CD226: variants seen among roughly 807,000 people sequenced by gnomAD.
CD226 encodes CD226 molecule, also known as CD226 antigen.
Under a neutral mutation model 34.9 loss-of-function variants are expected in CD226, and 24 were observed. That is an observed-to-expected ratio of 0.69 (90% CI 0.50 to 0.97). The LOEUF (loss-of-function observed/expected upper bound fraction) is 0.97, where lower values mean the gene tolerates loss of function less well. Among genes scored for constraint, CD226 ranks in the 50% least tolerant of loss-of-function variants. CD226 has a pLI of 0.00. For synonymous variants in CD226, 148 were observed against 147.4 expected (o/e 1.00, Z -0.03); for missense variants, 397 against 412.7 (o/e 0.96, Z 0.33).
chr18:69,956,846 A>G (rs956439014), exon 1 of CD226: 1 of 152,206 alleles, frequency 6.6e-6, no homozygotes, highest in African/African-American at 2.4e-5. Flanking sequence ...GTGGCCTCCT[A>G]GCCTCAACAC....
At chr18:69,869,221 C>G (rs564892213) in intron 4 of CD226, among the ~76,000 whole-genome samples, 3 of 152,142 alleles carry the variant, frequency 2.0e-5, no homozygotes, top group Non-Finnish European at 4.4e-5. Flanking sequence ...CATTGCAGCA[C>G]TATTCATGAT....
intron 2 of CD226, among the ~76,000 whole-genome samples, chr18:69,936,639 T>TAC: frequency 6.6e-6 from 1 of 152,202 alleles, no homozygotes; most frequent in Non-Finnish European, 1.5e-5. Context: ...TGTGCATGCA[T>TAC]ACACACACAC....
At chr18:69,920,994 A>C (rs1182558001) in intron 2 of CD226, among the ~76,000 whole-genome samples, 1 of 152,282 alleles carries the variant, frequency 6.6e-6, no homozygotes, top group African/African-American at 2.4e-5. Context: ...TCTTTTTCCC[A>C]TCTGCAGGTC....
At chr18:69,961,278 T>C (rs1205843091), upstream of CD226, among the ~76,000 whole-genome samples, 1 of 152,196 alleles carries the variant, frequency 6.6e-6, no homozygotes, top group African/African-American at 2.4e-5. Flanking sequence ...CTTGAATAAA[T>C]GGAGGTATGT....
chr18:69,949,833 C>A (rs901250087), upstream of CD226, among the ~76,000 whole-genome samples: 1 of 151,584 alleles, frequency 6.6e-6, no homozygotes, highest in Non-Finnish European at 1.5e-5. Flanking sequence ...CACATCCACG[C>A]ACACTCACAC....
intron 2 of CD226, among the ~76,000 whole-genome samples, chr18:69,937,523 T>G (rs1051571528): frequency 6.6e-6 from 1 of 152,174 alleles, no homozygotes; most frequent in African/African-American, 2.4e-5. Flanking sequence ...AATAATAATT[T>G]GTGATATAAA....
chr18:69,903,472 AG>A (rs2055212493), intron 2 of CD226, among the ~76,000 whole-genome samples: 1 of 152,148 alleles, frequency 6.6e-6, no homozygotes, highest in Non-Finnish European at 1.5e-5. Flanking sequence ...GGGATGTTAC[AG>A]GTGGAATTGT....
chr18:69,939,859 C>T (rs757020901), intron 2 of CD226, among the ~76,000 whole-genome samples: 5 of 152,184 alleles, frequency 3.3e-5, no homozygotes, highest in Non-Finnish European at 7.3e-5. Flanking sequence ...TGGGCTTCAC[C>T]TGTACCATCG....
chr18:69,873,341 G>A (rs1983661319), intron 3 of CD226, 95 bp from the exon 4 acceptor site: 5 of 652,390 alleles, frequency 7.7e-6, no homozygotes, highest in South Asian at 7.5e-5. Flanking sequence ...ATTAATTATT[G>A]AGTAACAAAA....
At chr18:69,890,378 T>C (rs1240360540) in intron 3 of CD226, among the ~76,000 whole-genome samples, 4 of 152,054 alleles carry the variant, frequency 2.6e-5, no homozygotes, top group Non-Finnish European at 5.9e-5. Context: ...AGGGGATTGC[T>C]TGAGCCCAGG....
chr18:69,952,728 C>T (rs1430449242), upstream of CD226, among the ~76,000 whole-genome samples: 1 of 152,004 alleles, frequency 6.6e-6, no homozygotes, highest in Non-Finnish European at 1.5e-5. Flanking sequence ...CTATGGGCAA[C>T]AAAAGAAAAA....
intron 3 of CD226, among the ~76,000 whole-genome samples, chr18:69,890,436 T>G (rs1465248257): frequency 6.6e-6 from 1 of 151,756 alleles, no homozygotes; most frequent in East Asian, 1.9e-4. Context: ...AATTAGCCAG[T>G]CTCATAACCC....
intron 3 of CD226, among the ~76,000 whole-genome samples, chr18:69,880,653 C>CTT (rs33978545): frequency 0.39 from 54,120 of 138,160 alleles, 12,873 homozygotes; most frequent in East Asian, 0.64. Flanking sequence ...CTTAAGATTT[C>CTT]TTTTTTTTTT....
At chr18:69,923,343 G>A (rs555750009) in intron 2 of CD226, among the ~76,000 whole-genome samples, 8 of 152,230 alleles carry the variant, frequency 5.3e-5, no homozygotes, top group African/African-American at 1.9e-4. Flanking sequence ...AAGAATTGGG[G>A]GCCAGGAGTG....
intron 3 of CD226, among the ~76,000 whole-genome samples, chr18:69,888,900 C>G (rs973912442): frequency 5.3e-5 from 8 of 151,678 alleles, no homozygotes; most frequent in African/African-American, 1.9e-4. Context: ...TATTCAATAT[C>G]TTACTTATCT....
intron 3 of CD226, among the ~76,000 whole-genome samples, chr18:69,880,531 A>T (rs1057332151): frequency 1.3e-5 from 2 of 152,136 alleles, no homozygotes; most frequent in Non-Finnish European, 2.9e-5. Flanking sequence ...AATGTCTTAG[A>T]AGTAGAAAGT....
At chr18:69,885,534 G>C (rs1984507947) in intron 3 of CD226, among the ~76,000 whole-genome samples, 2 of 152,182 alleles carry the variant, frequency 1.3e-5, no homozygotes, top group South Asian at 4.1e-4. Context: ...GTTCAAGGGA[G>C]TGGACTTTCC....
rs1299843861 is a variant in CD226 at position 69,858,076 on chromosome 18, C to G, written c.*6238G>C. 1 of 152,130 alleles carries G rather than the reference C, an allele frequency of 6.6e-6. No homozygotes were observed. Among genetic ancestry groups the G allele is most frequent in the Non-Finnish European group, 1.5e-5 (1 of 68,022 alleles). The allele number at this position is 152,130 out of a possible 1,614,324, so 9.4% of individuals were successfully genotyped here. ...GCGGATGATTAGTAAACCCTAATAT[C>G]CAAATGCAATGTCAATAGTGTTACT... On this transcript the variant is annotated 3_prime_UTR_variant, in exon 6 of 6. Coordinates refer to ENST00000582621, the MANE Select transcript of CD226 (RefSeq NM_001303618.2).
At chr18:69,927,608 T>C (rs530855380) in intron 2 of CD226, among the ~76,000 whole-genome samples, 2 of 152,228 alleles carry the variant, frequency 1.3e-5, no homozygotes, top group South Asian at 4.2e-4. Context: ...TCTGTGTACC[T>C]CATATAAGTG....
Sources: allele counts gnomAD v4.1 joint callset (sites outside exome capture counted in the v4.1 genomes callset), GRCh38; gene constraint gnomAD v4.1.1; transcripts MANE v1.5; gene names NCBI Gene and HGNC (gene_info 2026-07-23, HGNC 2026-07-21).